Variants in ASPH observed in about 807,000 individuals in gnomAD.
ASPH encodes the protein aspartate beta-hydroxylase, also known as aspartyl/asparaginyl beta-hydroxylase.
Under a neutral mutation model 118.4 loss-of-function variants are expected in ASPH, and 100 were observed. The observed-to-expected ratio is 0.84, with a 90% CI of 0.72 to 1.00. The LOEUF is 1.00. ASPH is among the 50% of genes least tolerant of loss of function. ASPH has a pLI of 0.00. For synonymous variants in ASPH, 315 were observed against 325.6 expected (o/e 0.97, Z 0.35); for missense variants, 920 against 919.5 (o/e 1.00, Z -0.01).
chr8:61,564,687 A>G (rs1470967630), intron 17 of ASPH, among the ~76,000 whole-genome samples: 1 of 152,132 alleles, frequency 6.6e-6, no homozygotes, highest in African/African-American at 2.4e-5. Context: ...TTTGTGCTGC[A>G]TGTTTTTGTT....
intron 21 of ASPH, among the ~76,000 whole-genome samples, chr8:61,536,198 C>T (rs1819530366): frequency 1.3e-5 from 2 of 152,152 alleles, no homozygotes; most frequent in South Asian, 4.2e-4. Context: ...CGCCACCATG[C>T]CTGGCTAATT....
chr8:61,585,953 C>T (rs1253936204), intron 14 of ASPH, among the ~76,000 whole-genome samples: 1 of 152,196 alleles, frequency 6.6e-6, no homozygotes, highest in African/African-American at 2.4e-5. Flanking sequence ...AAGCATTTAA[C>T]ACAGTGCTTG....
Position 61,633,722 on chromosome 8 carries a change from T to G in ASPH, c.895A>C (p.Ser299Arg). ...TGCTGTTCTTCCACAGGAAAAATGC[T>G]TACTTCTAAAATAAATAATAAAGTT... ...EDSQVIVEEV[S>R]IFPVEEQQEV... The change falls in exon 13 of 25, where the codon AGC becomes CGC. Residue 299 changes from serine (S) to arginine (R), a missense_variant. Coordinates refer to ENST00000379454, the MANE Select transcript of ASPH (RefSeq NM_004318.4). The G allele has an allele frequency of 6.3e-7, 1 of 1,595,826 alleles. No homozygotes were observed. The highest frequency in any genetic ancestry group is 8.5e-7 in the Non-Finnish European group (1 of 1,169,686).
intron 1 of ASPH, among the ~76,000 whole-genome samples, chr8:61,686,692 T>C (rs1188131677): frequency 1.3e-5 from 2 of 152,144 alleles, no homozygotes; most frequent in East Asian, 1.9e-4. Flanking sequence ...TATGGAATTA[T>C]AGTAGCTAAT....
At chr8:61,606,817 C>T (rs1002542237) in intron 14 of ASPH, 13 of 154,752 alleles carry the variant, frequency 8.4e-5, no homozygotes, top group African/African-American at 2.6e-4. Flanking sequence ...CCATGACACC[C>T]AAGTTAAGTA....
At position 61,688,108 on chromosome 8, in the gene ASPH, G is replaced by A. The variant is rs116250362; in HGVS notation, c.104-3920C>T. Among the ~76,000 whole-genome samples, 1,021 of 152,112 alleles carry A rather than the reference G, an allele frequency of 6.7e-3. 13 individuals carry two copies. Among genetic ancestry groups the A allele is most frequent in the African/African-American group, 0.023 (972 of 41,502 alleles). ...GCATGGTAAGACAAACCCTTAAGAG[G>A]GTTTACAACTCCCTAAGCAAATCTG... On this transcript the variant is annotated intron_variant, in intron 1 of 24. Coordinates refer to ENST00000379454, the MANE Select transcript of ASPH (RefSeq NM_004318.4).
At chr8:61,515,333 G>T (rs1356065870) in intron 24 of ASPH, among the ~76,000 whole-genome samples, 1 of 152,120 alleles carries the variant, frequency 6.6e-6, no homozygotes, top group Non-Finnish European at 1.5e-5. Context: ...GACCCAAACC[G>T]AGTTCCCAGT....
chr8:61,668,454 A>T (rs1820798689), intron 3 of ASPH, among the ~76,000 whole-genome samples: 2 of 152,216 alleles, frequency 1.3e-5, no homozygotes, highest in African/African-American at 4.8e-5. Context: ...CTTTCCTTTC[A>T]CTATCTTTAA....
At chr8:61,578,231 G>C in intron 15 of ASPH, 7 of 1,578,646 alleles carry the variant, frequency 4.4e-6, no homozygotes, top group Non-Finnish European at 6.0e-6. Flanking sequence ...TGTCCATCAG[G>C]GTGATCCAGA....
At chr8:61,518,699 T>G (rs1811811618) in intron 22 of ASPH, among the ~76,000 whole-genome samples, 1 of 152,238 alleles carries the variant, frequency 6.6e-6, no homozygotes, top group African/African-American at 2.4e-5. Flanking sequence ...TAAGTTTACA[T>G]CATCTGTTTA....
At chr8:61,622,024 A>C (rs1588209003) in intron 13 of ASPH, among the ~76,000 whole-genome samples, 1 of 152,246 alleles carries the variant, frequency 6.6e-6, no homozygotes, top group East Asian at 1.9e-4. Context: ...CCACTAAAGC[A>C]AATCGCTTTG....
intron 22 of ASPH, among the ~76,000 whole-genome samples, chr8:61,519,562 GA>G: frequency 6.6e-6 from 1 of 152,358 alleles, no homozygotes; most frequent in South Asian, 2.1e-4. Context: ...TTTCATGCAA[GA>G]GGGAATTAAG....
At chr8:61,680,796 A>C (rs919430179) in intron 3 of ASPH, 172 bp downstream of exon 3, 15 of 460,160 alleles carry the variant, frequency 3.3e-5, no homozygotes, top group Middle Eastern at 1.1e-3. Flanking sequence ...AATTGACATG[A>C]AAGAGTGTGG....
At chr8:61,517,471 G>C in intron 24 of ASPH, 57 bp downstream of exon 24, 1 of 1,590,458 alleles carries the variant, frequency 6.3e-7, no homozygotes, top group Non-Finnish European at 8.6e-7. Context: ...CAACTGTGTT[G>C]TAACAAACTC....
chr8:61,689,649 T>A, intron 1 of ASPH: 2 of 1,576,412 alleles, frequency 1.3e-6, no homozygotes, highest in Non-Finnish European at 1.7e-6. Flanking sequence ...AAAGCCACTT[T>A]TAGCCTAAAT....
chr8:61,533,131 G>T (rs1818213197), intron 21 of ASPH, among the ~76,000 whole-genome samples: 2 of 144,716 alleles, frequency 1.4e-5, no homozygotes, highest in Admixed American at 6.8e-5. Flanking sequence ...TATTCTCCCT[G>T]GAACTCTTTT....
Position 61,635,524 on chromosome 8 carries a change from G to T in ASPH, c.890-1797C>A, listed in dbSNP as rs1347126700. Among the ~76,000 whole-genome samples the T allele has an allele frequency of 4.6e-5, 7 of 151,912 alleles. No individual in the cohort carries two copies. In the East Asian group the frequency reaches 1.4e-3, roughly 29 times the overall value. On this transcript the variant is annotated intron_variant, in intron 12 of 24. Transcript: ENST00000379454. ...TCCCAGAGTTAAAATGTCTGATCTG[G>T]GGCGTTTTATTTTCTCTCCTAAACC...
At chr8:61,625,249 G>A (rs1852323075) in intron 13 of ASPH, 1 of 985,668 alleles carries the variant, frequency 1.0e-6, no homozygotes, top group African/African-American at 1.7e-5. Context: ...AATCTTCAGT[G>A]TAGAAAGAAA....
intron 1 of ASPH, among the ~76,000 whole-genome samples, chr8:61,701,443 C>T (rs1039497778): frequency 1.1e-4 from 16 of 152,170 alleles, no homozygotes; most frequent in African/African-American, 3.9e-4. Context: ...TACTTATTAA[C>T]ACAAATAGTG....
Sources: allele counts gnomAD v4.1 joint callset (sites outside exome capture counted in the v4.1 genomes callset), GRCh38; gene constraint gnomAD v4.1.1; transcripts MANE v1.5; gene names NCBI Gene and HGNC (gene_info 2026-07-23, HGNC 2026-07-21).